The following ABCB4 variants were observed in gnomAD, a reference collection of about 807,000 sequenced individuals.
ABCB4 encodes ATP binding cassette subfamily B member 4, also known as phosphatidylcholine translocator ABCB4.
A neutral mutation model predicts 145.7 loss-of-function variants in ABCB4; 76 were observed. The observed-to-expected ratio is 0.52, with a 90% confidence interval of 0.43 to 0.63. The LOEUF is 0.63. Among genes scored for constraint, ABCB4 ranks in the 30% least tolerant of loss-of-function variants. ABCB4 has a pLI of 0.00. For missense variants in ABCB4, 1,234 were observed against 1,553.1 expected, an observed-to-expected ratio of 0.79 and a Z score of 3.45; for synonymous variants, 517 against 566.8, an observed-to-expected ratio of 0.91 and a Z score of 1.25.
intron 14 of ABCB4, among the ~76,000 whole-genome samples, chr7:87,431,966 G>A (rs528229666): frequency 2.0e-5 from 3 of 152,316 alleles, no homozygotes; most frequent in African/African-American, 7.2e-5. Context: ...GCCTTTTCCA[G>A]AGCACTGCTG....
In ABCB4 at chr7:87,468,174, G is replaced by C. The variant is rs529313509; in HGVS notation, c.135+4447C>G. On this transcript the variant is annotated intron_variant, in intron 3 of 27. Coordinates refer to ENST00000649586, the MANE Select transcript of ABCB4 (RefSeq NM_000443.4). ...CAAGACCAATAAAGAAGAAAAGAGA[G>C]AAGAATCAAATAGACGCAATAAAAA... 2.0e-5 allele frequency among the ~76,000 whole-genome samples: 3 copies of C among 152,160 alleles called. No homozygotes were observed. The East Asian group carries it at 5.8e-4, about 29-fold the overall frequency.
chr7:87,457,211 G>A (rs1181674999), intron 4 of ABCB4, among the ~76,000 whole-genome samples: 2 of 152,116 alleles, frequency 1.3e-5, no homozygotes, highest in Non-Finnish European at 1.5e-5. Flanking sequence ...TTGAGGCCAG[G>A]AGTTTGAGAC....
In ABCB4 at chr7:87,420,027, A is replaced by T. The variant is rs1180675679; in HGVS notation, c.2365T>A (p.Ser789Thr). 3 of 1,614,014 alleles carry T rather than the reference A, an allele frequency of 1.9e-6. No individual in the cohort carries two copies. In the African/African-American group the frequency reaches 4.0e-5, roughly 22 times the overall value. The change falls in exon 19 of 28, where the codon TCA becomes ACA. Residue 789 changes from serine to threonine, a missense_variant. Transcript: ENST00000649586. ...AGEILTRRLR[S>T]MAFKAMLRQD... ...CTTAGCATTGCTTTAAAAGCCATTG[A>T]CCGCAGTCTTCTGGTGAGGATCTCG...
intron 24 of ABCB4, 98 bp downstream of exon 24, chr7:87,409,138 G>T: frequency 1.5e-6 from 2 of 1,347,568 alleles, no homozygotes; most frequent in South Asian, 1.2e-5. Context: ...AACACATGTT[G>T]GTGTAATCAT....
At chr7:87,433,007 C>T (rs1319729635) in intron 14 of ABCB4, among the ~76,000 whole-genome samples, 1 of 152,100 alleles carries the variant, frequency 6.6e-6, no homozygotes, top group East Asian at 1.9e-4. Flanking sequence ...CTAGGAAAAA[C>T]CAGCACGTGA....
At chr7:87,392,141 A>G in the ABCB4 span, among the ~76,000 whole-genome samples, 1 of 152,178 alleles carries the variant, frequency 6.6e-6, no homozygotes, top group Non-Finnish European at 1.5e-5. Context: ...TGAAGCATTT[A>G]GACAACAGCA....
chr7:87,403,837 CAGA>C (rs1807984737), intron 26 of ABCB4, among the ~76,000 whole-genome samples: 1 of 151,912 alleles, frequency 6.6e-6, no homozygotes. Flanking sequence ...TATGAAAGAT[CAGA>C]AGAAGGAGAT....
At chr7:87,449,308 T>C (rs1811548874) in intron 8 of ABCB4, among the ~76,000 whole-genome samples, 1 of 152,202 alleles carries the variant, frequency 6.6e-6, no homozygotes, top group African/African-American at 2.4e-5. Flanking sequence ...TTCTCTTCTA[T>C]ATTCCAGTTC....
Position 87,411,918 on chromosome 7 carries a change from G to A in ABCB4, c.2899C>T (p.His967Tyr), listed in dbSNP as rs575565764. The A allele has an allele frequency of 1.2e-5, 20 of 1,613,632 alleles. No individual in the cohort carries two copies. The South Asian group carries it at 1.8e-4, about 14-fold the overall frequency. Residue 967 changes from histidine (H) to tyrosine (Y), a missense_variant, in exon 23 of 28, where the codon CAT becomes TAT. Physicochemically the swap from His to Tyr is moderately conservative, Grantham distance 83. Coordinates refer to ENST00000649586, the MANE Select transcript of ABCB4 (RefSeq NM_000443.4). ...AGAATAACATCTCTGAAGCGCATAT[G>A]TCCATTCACAATGAGATATGCACCA... ...RFGAYLIVNG[H>Y]MRFRDVILVF...
chr7:87,430,821 C>A (rs1295916325), intron 15 of ABCB4, among the ~76,000 whole-genome samples: 1 of 152,164 alleles, frequency 6.6e-6, no homozygotes, highest in Non-Finnish European at 1.5e-5. Context: ...GCCACTGCAC[C>A]TGGCCTGCTT....
intron 21 of ABCB4, among the ~76,000 whole-genome samples, chr7:87,415,334 T>G (rs975732828): frequency 3.1e-4 from 15 of 49,092 alleles, no homozygotes; most frequent in Admixed American, 2.0e-3. Flanking sequence ...TAAATGAGAG[T>G]GTTTCTTTTT....
At chr7:87,386,351 G>C in the ABCB4 span, among the ~76,000 whole-genome samples, 7 of 151,974 alleles carry the variant, frequency 4.6e-5, no homozygotes, top group Non-Finnish European at 8.8e-5. Context: ...ACTTGTTATT[G>C]GTCTGTTTGG....
chr7:87,394,898 C>T, the ABCB4 span, among the ~76,000 whole-genome samples: 16 of 152,018 alleles, frequency 1.1e-4, no homozygotes, highest in Admixed American at 9.8e-4. Flanking sequence ...AGGCAGCAGA[C>T]AAGTTCCCAG....
intron 17 of ABCB4, among the ~76,000 whole-genome samples, chr7:87,422,935 G>A (rs941027584): frequency 6.6e-6 from 1 of 152,178 alleles, no homozygotes; most frequent in Non-Finnish European, 1.5e-5. Context: ...CCAGTGCCTG[G>A]AGCAGCACTA....
In ABCB4 at chr7:87,472,727, A is replaced by G. The variant is rs550882087; in HGVS notation, c.81-52T>C. On this transcript the variant is annotated intron_variant, in intron 2 of 27. Coordinates refer to ENST00000649586, the MANE Select transcript of ABCB4 (RefSeq NM_000443.4). ...TAAAACTGTTACAAAATGTTTTACA[A>G]TCAATTGAACATAAATATGTTTAGT... The G allele has an allele frequency of 2.5e-5, 32 of 1,255,680 alleles. No homozygotes were observed. In the African/African-American group the frequency reaches 4.4e-4, roughly 17 times the overall value. The allele number at this position is 1,255,680 out of a possible 1,614,324, so 77.8% of individuals were successfully genotyped here. A position where few individuals can be genotyped will look rare whatever the true frequency, so the allele number is the denominator to read the frequency against.
Position 87,426,881 on chromosome 7 carries a change from T to G in ABCB4, c.1933A>C (p.Asn645His). 4 of 1,613,920 alleles carry G rather than the reference T, an allele frequency of 2.5e-6. No homozygotes were observed. Among genetic ancestry groups the G allele is most frequent in the South Asian group, 1.1e-5 (1 of 91,080 alleles). Residue 645 changes from asparagine (N) to histidine (H), a missense_variant, in exon 16 of 28, where the codon AAT (asparagine) becomes CAT (histidine). Coordinates refer to ENST00000649586, the MANE Select transcript of ABCB4 (RefSeq NM_000443.4). Reference protein sequence around the residue: ...SQIQSEEFELNDEKAATRMAP... With the variant: ...SQIQSEEFELHDEKAATRMAP... ...ATTCTAGTGGCAGCCTTTTCATCATTTAGTTCAAATTCTTCTGACTGGATC... is the reference window on the plus strand; with the variant it reads ...ATTCTAGTGGCAGCCTTTTCATCATGTAGTTCAAATTCTTCTGACTGGATC...
intron 3 of ABCB4, among the ~76,000 whole-genome samples, chr7:87,468,325 A>G (rs1304140438): frequency 6.6e-6 from 1 of 152,114 alleles, no homozygotes; most frequent in Non-Finnish European, 1.5e-5. Context: ...CAACACATAC[A>G]CCCTCCCAAG....
chr7:87,377,580 G>A, the ABCB4 span: 10 of 582,336 alleles, frequency 1.7e-5, no homozygotes, highest in South Asian at 2.1e-4. Context: ...GTGGTGAAAA[G>A]TTTAGTTATG....
the ABCB4 span, among the ~76,000 whole-genome samples, chr7:87,366,492 TTGA>T: frequency 6.6e-6 from 1 of 152,230 alleles, no homozygotes; most frequent in African/African-American, 2.4e-5. Flanking sequence ...AGTCATATTC[TTGA>T]TGATTTTAGC....
Sources: allele counts gnomAD v4.1 joint callset (sites outside exome capture counted in the v4.1 genomes callset), GRCh38; gene constraint gnomAD v4.1.1; transcripts MANE v1.5; gene names NCBI Gene and HGNC (gene_info 2026-07-23, HGNC 2026-07-21).